ZFHX3: variants seen among roughly 807,000 people sequenced by gnomAD.
The protein encoded by ZFHX3 is zinc finger homeobox protein 3.
In ZFHX3, 42 loss-of-function variants were observed where a neutral mutation model predicts 279.1. The observed-to-expected ratio is 0.15, with a 90% CI of 0.12 to 0.19. The LOEUF is 0.19. Ranked by LOEUF, ZFHX3 falls within the 10% of genes least tolerant of loss-of-function variation. ZFHX3 has a pLI of 1.00. For synonymous variants in ZFHX3, 2,293 were observed against 1,957.8 expected (o/e 1.17, Z -4.52); for missense variants, 4,981 against 4,754.0 (o/e 1.05, Z -1.40).
intron 3 of ZFHX3, among the ~76,000 whole-genome samples, chr16:73,343,661 G>A (rs780840060): frequency 2.6e-4 from 39 of 152,152 alleles, no homozygotes; most frequent in Non-Finnish European, 4.6e-4. Flanking sequence ...AGGAGTTAAC[G>A]TGAGCCATGA....
At chr16:72,857,476 CAGG>C (rs1398283431) in intron 4 of ZFHX3, among the ~76,000 whole-genome samples, 3 of 152,266 alleles carry the variant, frequency 2.0e-5, no homozygotes, top group Admixed American at 6.5e-5. Context: ...CACTTGAGCC[CAGG>C]AGTTTGCCCA....
rs538525889 is a variant in ZFHX3, at chr16:73,850,896, C to T, written c.-1608+40755G>A. The stretch of plus-strand genomic sequence containing the variant: ...AGTGTCACATTCTCACCAGCATCTG[C>T]CATGGAGAAAAGCCAGTCATTCCAT... On this transcript the variant is annotated intron_variant, in intron 1 of 17. Coordinates refer to the ZFHX3 transcript ENST00000641206. 9.9e-5 allele frequency among the ~76,000 whole-genome samples: 15 copies of T among 152,270 alleles called. No homozygotes were observed. In the East Asian group the frequency reaches 2.9e-3, roughly 29 times the overall value.
intron 1 of ZFHX3, among the ~76,000 whole-genome samples, chr16:73,034,419 C>G (rs182029249): frequency 2.0e-5 from 3 of 152,148 alleles, no homozygotes; most frequent in African/African-American, 7.2e-5. Flanking sequence ...AGAGAAAGTC[C>G]CCTCCAAGCA....
At chr16:73,791,127 G>A (rs890350410) in intron 1 of ZFHX3, among the ~76,000 whole-genome samples, 1 of 151,994 alleles carries the variant, frequency 6.6e-6, no homozygotes, top group Non-Finnish European at 1.5e-5. Flanking sequence ...ACCACACCTG[G>A]CTAATTTTTC....
At chr16:73,132,009 G>A (rs541525213) in intron 6 of ZFHX3, among the ~76,000 whole-genome samples, 20 of 152,166 alleles carry the variant, frequency 1.3e-4, no homozygotes, top group Admixed American at 7.2e-4. Context: ...ATGAGGGTCC[G>A]GTGCAGTGGC....
rs559003170 is a variant in ZFHX3 at position 73,345,797 on chromosome 16, C to T, written c.-1290-27461G>A. On this transcript the variant is annotated intron_variant, in intron 3 of 17. Transcript: ENST00000641206. Reference sequence around the variant, plus strand: ...TGAGACCCAGCTATTTTCAATATGACGTTGATCTGTGAGTGAGAAGTCCTC... The same window carrying T: ...TGAGACCCAGCTATTTTCAATATGATGTTGATCTGTGAGTGAGAAGTCCTC... Among the ~76,000 whole-genome samples, 19 of 152,112 alleles carry T rather than the reference C, an allele frequency of 1.2e-4. No individual in the cohort carries two copies. The South Asian group carries it at 3.1e-3, about 25-fold the overall frequency.
intron 2 of ZFHX3, among the ~76,000 whole-genome samples, chr16:73,471,290 T>C: frequency 6.6e-6 from 1 of 152,212 alleles, no homozygotes; most frequent in Non-Finnish European, 1.5e-5. Flanking sequence ...TCGACCATAG[T>C]GATTGACCAT....
At chr16:73,121,738 C>G (rs1966502593) in intron 7 of ZFHX3, among the ~76,000 whole-genome samples, 1 of 151,812 alleles carries the variant, frequency 6.6e-6, no homozygotes, top group Non-Finnish European at 1.5e-5. Context: ...GCCTCCGCCT[C>G]CCAAGTAGCT....
intron 3 of ZFHX3, among the ~76,000 whole-genome samples, chr16:73,327,998 A>G (rs1216126289): frequency 6.6e-6 from 1 of 152,208 alleles, no homozygotes; most frequent in Admixed American, 6.5e-5. Flanking sequence ...TTTTCAGCTC[A>G]GGATCGGGGG....
chr16:72,937,883 T>C (rs1567593778), intron 3 of ZFHX3, among the ~76,000 whole-genome samples: 1 of 152,226 alleles, frequency 6.6e-6, no homozygotes, highest in East Asian at 1.9e-4. Flanking sequence ...CCTCCACTTG[T>C]AAAACAACAC....
At chr16:73,661,992 G>C (rs1222164007) in intron 2 of ZFHX3, among the ~76,000 whole-genome samples, 4 of 130,506 alleles carry the variant, frequency 3.1e-5, no homozygotes, top group Admixed American at 8.8e-5. Flanking sequence ...TTTAAGGATA[G>C]ACACAACGGA....
chr16:72,897,012 C>G (rs769048328), intron 3 of ZFHX3, among the ~76,000 whole-genome samples: 34 of 152,264 alleles, frequency 2.2e-4, no homozygotes, highest in Non-Finnish European at 4.8e-4. Flanking sequence ...AGCAGCCCCT[C>G]TGAGCCAGGG....
chr16:73,043,340 G>C (rs1383487034), intron 1 of ZFHX3, among the ~76,000 whole-genome samples: 1 of 152,158 alleles, frequency 6.6e-6, no homozygotes, highest in African/African-American at 2.4e-5. Context: ...TGAAGCCCAG[G>C]CATTTTGCTA....
intron 5 of ZFHX3, among the ~76,000 whole-genome samples, chr16:73,231,652 A>G (rs76792418): frequency 0.015 from 2,320 of 152,322 alleles, 28 homozygotes; most frequent in Non-Finnish European, 0.022. Context: ...GGTGGTCCTT[A>G]TCTCTACTTT....
chr16:73,034,032 C>T (rs1567643065), intron 1 of ZFHX3, among the ~76,000 whole-genome samples: 1 of 151,744 alleles, frequency 6.6e-6, no homozygotes, highest in Non-Finnish European at 1.5e-5. Context: ...GTAATGGTAC[C>T]AAGGCTGAAA....
At chr16:73,640,191 T>C (rs1420616571) in intron 2 of ZFHX3, among the ~76,000 whole-genome samples, 1 of 152,154 alleles carries the variant, frequency 6.6e-6, no homozygotes, top group Non-Finnish European at 1.5e-5. Context: ...AGCTGGACAT[T>C]GATGCTCCCC....
intron 8 of ZFHX3, among the ~76,000 whole-genome samples, chr16:73,073,948 G>C (rs1965854495): frequency 1.3e-5 from 2 of 152,212 alleles, no homozygotes; most frequent in South Asian, 4.1e-4. Flanking sequence ...TGGAGCCACT[G>C]CTAAATTATG....
chr16:73,323,547 G>A (rs1263845656), intron 3 of ZFHX3, among the ~76,000 whole-genome samples: 1 of 152,222 alleles, frequency 6.6e-6, no homozygotes, highest in Non-Finnish European at 1.5e-5. Flanking sequence ...TGGACCACTT[G>A]CTAGAGAAGT....
chr16:73,753,546 G>T (rs1241357492), intron 1 of ZFHX3, among the ~76,000 whole-genome samples: 1 of 152,148 alleles, frequency 6.6e-6, no homozygotes, highest in Non-Finnish European at 1.5e-5. Context: ...TATAAATACA[G>T]TTGCCAACAG....
Sources: allele counts gnomAD v4.1 joint callset (sites outside exome capture counted in the v4.1 genomes callset), GRCh38; gene constraint gnomAD v4.1.1; transcripts MANE v1.5; gene names NCBI Gene and HGNC (gene_info 2026-07-23, HGNC 2026-07-21).